Variants in PCDH9 observed in about 807,000 individuals in gnomAD.
PCDH9 encodes the protein protocadherin-9.
Under a neutral mutation model 70.6 loss-of-function variants are expected in PCDH9, and 24 were observed. The observed-to-expected ratio is 0.34, with a 90% CI of 0.25 to 0.48. The LOEUF (loss-of-function observed/expected upper bound fraction) is 0.48. Among genes scored for constraint, PCDH9 ranks in the 20% least tolerant of loss-of-function variants. The pLI, the probability that PCDH9 is intolerant of heterozygous loss-of-function variation, is 0.99. For synonymous variants in PCDH9, 562 were observed against 558.5 expected, an observed-to-expected ratio of 1.01 and a Z score of -0.09; for missense variants, 1,281 against 1,503.6, an observed-to-expected ratio of 0.85 and a Z score of 2.45.
chr13:67,154,897 G>A (rs1294079414), intron 2 of PCDH9, among the ~76,000 whole-genome samples: 1 of 151,846 alleles, frequency 6.6e-6, no homozygotes, highest in Admixed American at 6.6e-5. Context: ...TAATGCAAAA[G>A]AGACAGGGTT....
At chr13:66,586,760 T>A (rs894296146) in intron 4 of PCDH9, among the ~76,000 whole-genome samples, 1 of 152,134 alleles carries the variant, frequency 6.6e-6, no homozygotes, top group Non-Finnish European at 1.5e-5. Flanking sequence ...AATACTATTA[T>A]TACACAATAT....
intron 2 of PCDH9, among the ~76,000 whole-genome samples, chr13:67,061,867 G>C (rs1164630768): frequency 6.6e-6 from 1 of 152,114 alleles, no homozygotes; most frequent in African/African-American, 2.4e-5. Context: ...CTTTTGGGCA[G>C]AATCCAAAGG....
chr13:67,171,321 G>A (rs1163671815), intron 2 of PCDH9, among the ~76,000 whole-genome samples: 1 of 152,138 alleles, frequency 6.6e-6, no homozygotes, highest in Non-Finnish European at 1.5e-5. Flanking sequence ...CAGGGTAACA[G>A]TTGACTTTTC....
intron 4 of PCDH9, among the ~76,000 whole-genome samples, chr13:66,545,689 T>C (rs999522254): frequency 1.3e-5 from 2 of 152,168 alleles, no homozygotes; most frequent in Non-Finnish European, 2.9e-5. Context: ...ACAACTCTAC[T>C]AGCTTATTAA....
chr13:66,687,172 A>C (rs1184785349), intron 3 of PCDH9, among the ~76,000 whole-genome samples: 1 of 152,178 alleles, frequency 6.6e-6, no homozygotes, highest in Non-Finnish European at 1.5e-5. Context: ...TGTATGTCCA[A>C]ACTGAAGAAT....
intron 3 of PCDH9, among the ~76,000 whole-genome samples, chr13:66,900,045 C>T (rs111305226): frequency 6.6e-6 from 1 of 152,048 alleles, no homozygotes. Flanking sequence ...GCTACTCAAT[C>T]GCTGTTATCT....
At chr13:66,324,586 T>C (rs1041729182) in intron 4 of PCDH9, among the ~76,000 whole-genome samples, 3 of 151,986 alleles carry the variant, frequency 2.0e-5, no homozygotes, top group Non-Finnish European at 4.4e-5. Context: ...AAACTATATG[T>C]GCCAATTACA....
intron 2 of PCDH9, among the ~76,000 whole-genome samples, chr13:67,190,352 T>G (rs748801696): frequency 6.6e-5 from 10 of 152,002 alleles, no homozygotes; most frequent in Non-Finnish European, 1.2e-4. Flanking sequence ...AGTAAATAAA[T>G]GTATGAATCA....
intron 4 of PCDH9, among the ~76,000 whole-genome samples, chr13:66,568,131 T>A (rs2076678619): frequency 6.6e-6 from 1 of 152,114 alleles, no homozygotes; most frequent in Non-Finnish European, 1.5e-5. Context: ...GGTGGGGCCC[T>A]AATCTGATAG....
At chr13:66,912,086 A>G (rs1430157316) in intron 2 of PCDH9, among the ~76,000 whole-genome samples, 1 of 152,190 alleles carries the variant, frequency 6.6e-6, no homozygotes, top group Non-Finnish European at 1.5e-5. Flanking sequence ...CACAGATAAA[A>G]GTAGATTGAC....
intron 2 of PCDH9, among the ~76,000 whole-genome samples, chr13:67,146,484 AT>A (rs1338477696): frequency 1.3e-5 from 2 of 152,180 alleles, no homozygotes; most frequent in African/African-American, 2.4e-5. Context: ...CAACAGGATG[AT>A]TGTCCTTGGT....
intron 2 of PCDH9, among the ~76,000 whole-genome samples, chr13:67,084,368 G>C (rs1423782868): frequency 6.6e-6 from 1 of 152,106 alleles, no homozygotes; most frequent in Admixed American, 6.6e-5. Flanking sequence ...ATTCTCTTCT[G>C]CTGATCCCAA....
At chr13:66,701,017 A>G (rs1260385362) in intron 3 of PCDH9, among the ~76,000 whole-genome samples, 2 of 139,924 alleles carry the variant, frequency 1.4e-5, no homozygotes, top group African/African-American at 5.3e-5. Flanking sequence ...TTTTCTCCCT[A>G]CTTATATATT....
chr13:66,499,907 C>T (rs1049598470), intron 4 of PCDH9, among the ~76,000 whole-genome samples: 6 of 152,144 alleles, frequency 3.9e-5, no homozygotes, highest in Admixed American at 2.0e-4. Context: ...CTCCCTTTCT[C>T]GTTATGTGGC....
chr13:66,733,672 G>A (rs1479656829), intron 3 of PCDH9, among the ~76,000 whole-genome samples: 1 of 75,886 alleles, frequency 1.3e-5, no homozygotes, highest in African/African-American at 3.3e-5. Flanking sequence ...ATGTATAAAG[G>A]TAGGCTTTTT....
At chr13:66,316,205 A>C (rs1484058905) in intron 4 of PCDH9, among the ~76,000 whole-genome samples, 3 of 152,182 alleles carry the variant, frequency 2.0e-5, no homozygotes, top group Non-Finnish European at 4.4e-5. Flanking sequence ...AGCCACCTGG[A>C]TCATCCAGGA....
At chr13:66,626,289 A>G (rs1398333890) in intron 4 of PCDH9, among the ~76,000 whole-genome samples, 1 of 152,182 alleles carries the variant, frequency 6.6e-6, no homozygotes, top group East Asian at 1.9e-4. Flanking sequence ...TAAAGACTAG[A>G]AAGTCCTTGA....
chr13:66,344,135 G>GT (rs771880911), intron 4 of PCDH9, among the ~76,000 whole-genome samples: 13 of 151,924 alleles, frequency 8.6e-5, no homozygotes, highest in South Asian at 2.1e-4. Flanking sequence ...AAGTTTTGGG[G>GT]TTTTTTTTGT....
intron 2 of PCDH9, among the ~76,000 whole-genome samples, chr13:67,051,279 A>C (rs1487580952): frequency 6.6e-6 from 1 of 151,610 alleles, no homozygotes; most frequent in African/African-American, 2.4e-5. Flanking sequence ...GTTTGAAATT[A>C]GCGTTGATTC....
Sources: gnomAD v4.1 joint callset for allele counts (sites outside exome capture counted in the v4.1 genomes callset) on GRCh38, gnomAD v4.1.1 for gene constraint, MANE v1.5 for transcripts, NCBI Gene and HGNC (gene_info 2026-07-23, HGNC 2026-07-21) for gene names.